The following COQ5 variants were observed in gnomAD, a reference collection of about 807,000 sequenced individuals.
COQ5 encodes the protein coenzyme Q5, methyltransferase.
Under a neutral mutation model 40.5 loss-of-function variants are expected in COQ5, and 27 were observed. That is an observed-to-expected ratio of 0.67 (90% CI 0.49 to 0.92). COQ5 has a LOEUF of 0.92. COQ5 is among the 40% of genes least tolerant of loss of function. COQ5 has a pLI of 0.00. For missense variants in COQ5, 409 were observed against 406.4 expected (o/e 1.01, Z -0.06); for synonymous variants, 141 against 150.0 (o/e 0.94, Z 0.44).
intron 5 of COQ5, 32 bp from the exon 6 acceptor site, chr12:120,504,113 T>C (rs1868774193): frequency 6.5e-6 from 8 of 1,226,190 alleles, no homozygotes; most frequent in African/African-American, 1.5e-5. Context: ...AGATGAAGAT[T>C]AGAACATGCC....
At chr12:120,505,758 A>G (rs1163765205) in intron 4 of COQ5, among the ~76,000 whole-genome samples, 2 of 151,670 alleles carry the variant, frequency 1.3e-5, no homozygotes, top group Non-Finnish European at 2.9e-5. Flanking sequence ...GTTTCTCCAC[A>G]TTGGTCAGGC....
intron 3 of COQ5, among the ~76,000 whole-genome samples, chr12:120,511,993 T>A (rs999429186): frequency 2.7e-5 from 4 of 149,608 alleles, no homozygotes; most frequent in African/African-American, 9.8e-5. Context: ...GGGCAGATCA[T>A]GAGGTCAGGA....
chr12:120,522,441 C>CT, intron 1 of COQ5, 78 bp from the exon 2 acceptor site: 2 of 1,425,454 alleles, frequency 1.4e-6, no homozygotes, highest in Non-Finnish European at 9.9e-7. Context: ...AAGGAGGAAG[C>CT]TTTTTTCCCC....
At chr12:120,505,921 T>G (rs1174328230) in intron 4 of COQ5, among the ~76,000 whole-genome samples, 1 of 151,850 alleles carries the variant, frequency 6.6e-6, no homozygotes, top group South Asian at 2.1e-4. Flanking sequence ...AATGGCATGA[T>G]CTCAGCTCAC....
Position 120,503,851 on chromosome 12 carries a change from A to G in COQ5, c.917T>C (p.Phe306Ser). 6.2e-7 allele frequency: 1 copy of G among 1,614,180 alleles called. No homozygotes were observed. The highest frequency in any genetic ancestry group is 2.2e-5 in the East Asian group (1 of 44,882). ...EFKDMIEDAG[F>S]HKVTYESLTS... ...TAGACTTTCGTAAGTCACCTTGTGA[A>G]AGCCTGCATCTTCTATCATGTCCTT... Residue 306 changes from phenylalanine (F) to serine (S), a missense_variant, in exon 7 of 7, where the codon TTT (phenylalanine) becomes TCT (serine). By Grantham distance (155) the Phe-to-Ser change is radical. Coordinates refer to ENST00000288532, the MANE Select transcript of COQ5 (RefSeq NM_032314.4).
chr12:120,512,264 T>C (rs1326768785), intron 3 of COQ5, among the ~76,000 whole-genome samples: 2 of 151,946 alleles, frequency 1.3e-5, no homozygotes, highest in African/African-American at 2.4e-5. Flanking sequence ...GAATTTCTAA[T>C]GACTTGGAGA....
chr12:120,516,193 G>C (rs113445712), intron 3 of COQ5, among the ~76,000 whole-genome samples: 26 of 152,286 alleles, frequency 1.7e-4, no homozygotes, highest in African/African-American at 6.3e-4. Flanking sequence ...ATGATACACC[G>C]AAGTCACCCT....
At position 120,525,063 on chromosome 12, in the gene COQ5, T is replaced by G. The variant is rs573565989; in HGVS notation, c.203-2700A>C. On this transcript the variant is annotated intron_variant, in intron 1 of 6. Coordinates refer to ENST00000288532, the MANE Select transcript of COQ5 (RefSeq NM_032314.4). ...TAACCTCAGATCTGCCCGCCTTGGCTTCCCAAAGTGTTAGGATCACAGGTG... is the reference window on the plus strand; with the variant it reads ...TAACCTCAGATCTGCCCGCCTTGGCGTCCCAAAGTGTTAGGATCACAGGTG... Among the ~76,000 whole-genome samples, 44 of 151,938 alleles carry G rather than the reference T, an allele frequency of 2.9e-4. No individual in the cohort carries two copies. In the South Asian group the frequency reaches 6.2e-3, roughly 22 times the overall value.
intron 2 of COQ5, among the ~76,000 whole-genome samples, chr12:120,518,645 A>G (rs1030241584): frequency 6.6e-6 from 1 of 151,284 alleles, no homozygotes; most frequent in Non-Finnish European, 1.5e-5. Context: ...GCTCACTGCA[A>G]CCTCCGCTTC....
chr12:120,522,247 C>T lies in COQ5; in HGVS notation c.319G>A (p.Gly107Arg), dbSNP rs757718615. Residue 107 changes from glycine (G) to arginine (R), a missense_variant, in exon 2 of 7, where the codon GGG (glycine) becomes AGG (arginine). Physicochemically the swap from Gly to Arg is moderately radical, Grantham distance 125 (BLOSUM62 -2). Coordinates refer to ENST00000288532, the MANE Select transcript of COQ5 (RefSeq NM_032314.4). ...LLLWKMHPLP[G>R]TQLLDVAGGT... ...CCAGCAACATCAAGCAGCTGGGTCC[C>T]AGGAAGCGGGTGCATCTTCCAGAGC... 8.7e-6 allele frequency: 14 copies of T among 1,614,026 alleles called. No homozygotes were observed. Among genetic ancestry groups the T allele is most frequent in the Middle Eastern group, 1.6e-4 (1 of 6,084 alleles).
chr12:120,523,932 C>T (rs568110158), intron 1 of COQ5: 1 of 422,622 alleles, frequency 2.4e-6, no homozygotes. Flanking sequence ...ATCACTGGAA[C>T]CTGGAAGGTA....
At chr12:120,509,395 G>A (rs1054666134) in intron 4 of COQ5, among the ~76,000 whole-genome samples, 1 of 152,130 alleles carries the variant, frequency 6.6e-6, no homozygotes, top group Admixed American at 6.6e-5. Flanking sequence ...ATCAGATTAA[G>A]AGCTGAACGT....
intron 4 of COQ5, among the ~76,000 whole-genome samples, chr12:120,509,320 C>T (rs911684237): frequency 2.6e-5 from 4 of 152,218 alleles, no homozygotes; most frequent in South Asian, 2.1e-4. Flanking sequence ...GGTTCGAGAT[C>T]AACCTGGGCA....
Position 120,529,083 on chromosome 12 carries a change from G to A in COQ5, c.59C>T (p.Ala20Val). The A allele has an allele frequency of 1.9e-6, 3 of 1,614,102 alleles. No individual in the cohort carries two copies. Among genetic ancestry groups the A allele is most frequent in the Non-Finnish European group, 2.5e-6 (3 of 1,180,018 alleles). Residue 20 changes from alanine to valine, a missense_variant, in exon 1 of 7, where the codon GCG (alanine) becomes GTG (valine). Ala to Val is a moderately conservative substitution (Grantham distance 64, BLOSUM62 0). Transcript: ENST00000288532. Reference sequence around the variant, plus strand: ...CCCGAGGAGCTGGCAGCCCCGCATCGCCCGCGACCACCCACGGCCGCAATA... The same window carrying A: ...CCCGAGGAGCTGGCAGCCCCGCATCACCCGCGACCACCCACGGCCGCAATA... Reference protein sequence around the residue: ...WSYCGRGWSRAMRGCQLLGLR... With the variant: ...WSYCGRGWSRVMRGCQLLGLR...
Position 120,503,509 on chromosome 12 carries a change from C to T in COQ5, c.*275G>A, listed in dbSNP as rs1250268938. On this transcript the variant is annotated 3_prime_UTR_variant, in exon 7 of 7. Transcript: ENST00000288532. ...AACTGAGCTTTAGGGGTGGTTGTAC[C>T]TTAACCACACACCCTACAGCCAAGA... 3.5e-6 allele frequency: 2 copies of T among 573,992 alleles called. No individual in the cohort carries two copies. The highest frequency in any genetic ancestry group is 6.6e-6 in the Non-Finnish European group (2 of 303,544). 35.6% of individuals were successfully genotyped at this position (573,992 alleles called of 1,614,324 possible). A position where few individuals can be genotyped will look rare whatever the true frequency, so the allele number is the denominator to read the frequency against.
rs1250176159 is a variant in COQ5 at position 120,504,903 on chromosome 12, G to A, written c.762C>T (p.Leu254=). ...CLEFSQVNNP[L]ISRLYDLYSF... ...CTATTAACAATGCCAACCTGGATATGAGGGGATTGTTCACTTGGCTAAATT... is the reference window on the plus strand; with the variant it reads ...CTATTAACAATGCCAACCTGGATATAAGGGGATTGTTCACTTGGCTAAATT... The change falls in exon 5 of 7, where the codon CTC becomes CTT. Residue 254 remains leucine, a synonymous_variant. Coordinates refer to ENST00000288532, the MANE Select transcript of COQ5 (RefSeq NM_032314.4). 4 of 1,613,796 alleles carry A rather than the reference G, an allele frequency of 2.5e-6. No homozygotes were observed. The highest frequency in any genetic ancestry group is 3.3e-5 in the Admixed American group (2 of 59,976).
At chr12:120,523,917 G>C (rs1400229393) in intron 1 of COQ5, 1 of 420,802 alleles carries the variant, frequency 2.4e-6, no homozygotes, top group Non-Finnish European at 4.8e-6. Context: ...GGTTGGGGCA[G>C]GAGAATCACT....
rs372556044 is a variant in COQ5 at position 120,509,078 on chromosome 12, T to C, written c.681+939A>G. ...CAAAATAATAAACTGGCTACTGACA[T>C]AGGAAAGGTGATGCAAACCAAGCTG... On this transcript the variant is annotated intron_variant, in intron 4 of 6. Transcript: ENST00000288532. Among the ~76,000 whole-genome samples, 19 of 148,252 alleles carry C rather than the reference T, an allele frequency of 1.3e-4. No homozygotes were observed. The East Asian group carries it at 2.0e-3, about 16-fold the overall frequency.
At chr12:120,516,368 G>T (rs958576979) in intron 3 of COQ5, among the ~76,000 whole-genome samples, 199 bp downstream of exon 3, 1 of 152,080 alleles carries the variant, frequency 6.6e-6, no homozygotes, top group Admixed American at 6.6e-5. Flanking sequence ...GGCTGGGTAA[G>T]CTCACTCAAT....
Sources: gnomAD v4.1 joint callset for allele counts (sites outside exome capture counted in the v4.1 genomes callset) on GRCh38, gnomAD v4.1.1 for gene constraint, MANE v1.5 for transcripts, NCBI Gene and HGNC (gene_info 2026-07-23, HGNC 2026-07-21) for gene names.